The following WDR26 variants were observed in gnomAD, a reference collection of about 807,000 sequenced individuals.
WDR26 encodes the protein WD repeat domain 26.
A neutral mutation model predicts 84.1 loss-of-function variants in WDR26; 5 were observed. The observed-to-expected ratio is 0.06, with a 90% CI of 0.03 to 0.13. The LOEUF (loss-of-function observed/expected upper bound fraction) is 0.13, where lower values mean the gene tolerates loss of function less well. Ranked by LOEUF, WDR26 falls within the 10% of genes least tolerant of loss-of-function variation. WDR26 has a pLI of 1.00. For synonymous variants in WDR26, 415 were observed against 389.6 expected (o/e 1.07, Z -0.77); for missense variants, 642 against 974.9 (o/e 0.66, Z 4.55).
chr1:224,394,527 C>T (rs1474968212), intron 12 of WDR26, among the ~76,000 whole-genome samples: 5 of 150,104 alleles, frequency 3.3e-5, no homozygotes, highest in African/African-American at 7.3e-5. Context: ...TTCTTTGAGA[C>T]GGAGTCTCAC....
At chr1:224,414,946 G>A (rs1235714420) in intron 6 of WDR26, among the ~76,000 whole-genome samples, 13 of 152,216 alleles carry the variant, frequency 8.5e-5, no homozygotes, top group Non-Finnish European at 5.9e-5. Flanking sequence ...GTTCAAGGCT[G>A]CTGTGAACTA....
chr1:224,413,873 G>A (rs1318184283), intron 6 of WDR26, among the ~76,000 whole-genome samples: 2 of 152,070 alleles, frequency 1.3e-5, no homozygotes, highest in East Asian at 1.9e-4. Context: ...GCAGTGGTGC[G>A]ATCTCTGCTC....
chr1:224,400,634 C>A (rs539380779), intron 9 of WDR26, among the ~76,000 whole-genome samples: 41 of 152,308 alleles, frequency 2.7e-4, no homozygotes, highest in African/African-American at 7.7e-4. Context: ...CAATCTCCGC[C>A]TCCTGAGTTC....
Position 224,401,671 on chromosome 1 carries a change from C to CA in WDR26, c.1600-603dup, listed in dbSNP as rs767368281. Among the ~76,000 whole-genome samples, 364 of 49,546 alleles carry CA rather than the reference C, an allele frequency of 7.3e-3. 3 individuals are homozygous for CA. Among genetic ancestry groups the CA allele is most frequent in the Non-Finnish European group, 8.7e-3 (279 of 32,030 alleles). The allele number at this position is 49,546 out of a possible 152,430, so 32.5% of individuals were successfully genotyped here. A position where few individuals can be genotyped will look rare whatever the true frequency, so the allele number is the denominator to read the frequency against. On this transcript the variant is annotated intron_variant, in intron 8 of 13. Transcript: ENST00000414423. ...CCTGGGTGACAGAGTGAGACTGTCT[C>CA]AAAAAAAAAAAAAAAAAAGAAAAAA...
intron 3 of WDR26, 183 bp downstream of exon 3, chr1:224,431,294 C>T: frequency 1.9e-6 from 1 of 526,426 alleles, no homozygotes; most frequent in Non-Finnish European, 3.4e-6. Context: ...GACACATTTA[C>T]TAAGTATGAT....
intron 8 of WDR26, among the ~76,000 whole-genome samples, chr1:224,401,723 A>G (rs1673428599): frequency 6.6e-6 from 1 of 151,090 alleles, no homozygotes; most frequent in Non-Finnish European, 1.5e-5. Flanking sequence ...AAAAAAGAGA[A>G]AAACTATGCC....
rs192575231 is a variant in WDR26, at chr1:224,412,549, A to C, written c.1320-984T>G. Among the ~76,000 whole-genome samples, 264 of 152,332 alleles carry C rather than the reference A, an allele frequency of 1.7e-3. 8 individuals are homozygous for C. The East Asian group carries it at 0.043, about 25-fold the overall frequency. On this transcript the variant is annotated intron_variant, in intron 6 of 13. Coordinates refer to ENST00000414423, the MANE Select transcript of WDR26 (RefSeq NM_001379403.1). ...CCTCATAAATGGCAGCTAATATTAT[A>C]TATCAAGGGCAAAGCATTTTGTGAT...
chr1:224,431,394 T>C (rs770755823), intron 3 of WDR26, 83 bp downstream of exon 3: 107 of 1,265,304 alleles, frequency 8.5e-5, no homozygotes, highest in Admixed American at 5.9e-4. Context: ...GCCTTATTTT[T>C]TTATAAGAGG....
chr1:224,422,849 A>G lies in WDR26; in HGVS notation c.1064+1669T>C, dbSNP rs150733824. ...AGATTCAGAGAAATGAAAATTTTAT[A>G]TTTTTTAGAATTAGGCCATACATGT... is the stretch of plus-strand genomic sequence containing the variant. On this transcript the variant is annotated intron_variant, in intron 4 of 13. Transcript: ENST00000414423. Among the ~76,000 whole-genome samples the G allele has an allele frequency of 3.9e-5, 6 of 152,322 alleles. No homozygotes were observed. In the East Asian group the frequency reaches 1.2e-3, roughly 29 times the overall value.
In WDR26 at chr1:224,434,181, G is replaced by A. The variant is rs1013482964; in HGVS notation, c.225C>T (p.Pro75=). 2 of 1,421,392 alleles carry A rather than the reference G, an allele frequency of 1.4e-6. No individual in the cohort carries two copies. The highest frequency in any genetic ancestry group is 2.9e-5 in the African/African-American group (2 of 68,460). The allele number at this position is 1,421,392 out of a possible 1,614,324, so 88.0% of individuals were successfully genotyped here. ...CGGCGGCGGGAGGGGCAGCAGCCGGGGGAAGTCCCACCACTACCACCACGG... is the reference window on the plus strand; with the variant it reads ...CGGCGGCGGGAGGGGCAGCAGCCGGAGGAAGTCCCACCACTACCACCACGG... The change falls in exon 1 of 14, where the codon CCC becomes CCT. Residue 75 remains proline (P), a synonymous_variant. Coordinates refer to ENST00000414423, the MANE Select transcript of WDR26 (RefSeq NM_001379403.1).
intron 6 of WDR26, among the ~76,000 whole-genome samples, chr1:224,415,673 G>C (rs1673882136): frequency 1.3e-5 from 2 of 152,038 alleles, no homozygotes; most frequent in Non-Finnish European, 2.9e-5. Flanking sequence ...ATTTTAGCCA[G>C]GATGGTCTTG....
intron 3 of WDR26, among the ~76,000 whole-genome samples, chr1:224,426,923 C>T (rs28434172): frequency 0.18 from 27,018 of 150,246 alleles, 2,661 homozygotes; most frequent in Middle Eastern, 0.22. Flanking sequence ...GGTGAAACCC[C>T]GTCTCTACTA....
chr1:224,433,607 T>G (rs901962069), intron 1 of WDR26, 77 bp downstream of exon 1: 6 of 250,546 alleles, frequency 2.4e-5, no homozygotes, highest in Non-Finnish European at 2.7e-5. Context: ...CCCTCCCCCC[T>G]CCGCCCCTTC....
At chr1:224,431,002 G>C (rs1362305027) in intron 3 of WDR26, 2 of 154,592 alleles carry the variant, frequency 1.3e-5, no homozygotes, top group Non-Finnish European at 2.9e-5. Flanking sequence ...CAACTGGAAT[G>C]CAAGAATGGA....
At chr1:224,396,225 G>T (rs923576045) in intron 12 of WDR26, among the ~76,000 whole-genome samples, 1 of 152,014 alleles carries the variant, frequency 6.6e-6, no homozygotes. Context: ...ATTCATCGTT[G>T]TTTCTAAGTT....
intron 13 of WDR26, among the ~76,000 whole-genome samples, chr1:224,390,159 CTCT>C (rs1673085450): frequency 6.6e-6 from 1 of 152,196 alleles, no homozygotes; most frequent in Admixed American, 6.5e-5. Flanking sequence ...CAGGATCCCA[CTCT>C]GCTGCTCAGG....
chr1:224,417,217 C>T (rs1231259555), intron 6 of WDR26, among the ~76,000 whole-genome samples: 2 of 152,156 alleles, frequency 1.3e-5, no homozygotes, highest in African/African-American at 4.8e-5. Flanking sequence ...ATTCCAAAGT[C>T]CTCATACTTA....
chr1:224,401,054 T>A lies in WDR26; in HGVS notation c.1615A>T (p.Thr539Ser). 1 of 1,613,868 alleles carries A rather than the reference T, an allele frequency of 6.2e-7. No individual in the cohort carries two copies. The highest frequency in any genetic ancestry group is 8.5e-7 in the Non-Finnish European group (1 of 1,179,886). ...TCTTCATGAGACTGGCTCATTTTTG[T>A]CCTTAGTTCTCCTGTCTATAAGGAA... Residue 539 changes from threonine (T) to serine (S), a missense_variant, in exon 9 of 14, where the codon ACA becomes TCA. Physicochemically the swap from Thr to Ser is moderately conservative, Grantham distance 58. This residue lies in a region of WDR26 where 351 missense variants were observed against 672.8 expected (regional missense o/e 0.52). Transcript: ENST00000414423.
chr1:224,405,383 A>AT (rs1673523736), intron 7 of WDR26, among the ~76,000 whole-genome samples: 1 of 152,180 alleles, frequency 6.6e-6, no homozygotes, highest in Non-Finnish European at 1.5e-5. Flanking sequence ...GCTGTTATGA[A>AT]TATGTATGAG....
Sources: gnomAD v4.1 joint callset for allele counts (sites outside exome capture counted in the v4.1 genomes callset) on GRCh38, gnomAD v4.1.1 for gene constraint, gnomAD v4.1.1 regional missense constraint, MANE v1.5 for transcripts, NCBI Gene and HGNC (gene_info 2026-07-23, HGNC 2026-07-21) for gene names.